CAMSAP3: variants seen among roughly 807,000 people sequenced by gnomAD.
The protein encoded by CAMSAP3 is calmodulin regulated spectrin associated protein family member 3.
A neutral mutation model predicts 112.5 loss-of-function variants in CAMSAP3; 34 were observed. The observed-to-expected ratio is 0.30, with a 90% CI of 0.23 to 0.40. CAMSAP3 has a LOEUF of 0.40. Among genes scored for constraint, CAMSAP3 ranks in the 10% least tolerant of loss-of-function variants. The pLI is 1.00. For synonymous variants in CAMSAP3, 868 were observed against 799.8 expected, an observed-to-expected ratio of 1.09 and a Z score of -1.44; for missense variants, 1,602 against 1,770.3, an observed-to-expected ratio of 0.90 and a Z score of 1.71.
chr19:7,617,814 C>G lies in CAMSAP3; in HGVS notation c.3507C>G (p.Phe1169Leu). The G allele has an allele frequency of 6.2e-7, 1 of 1,613,880 alleles. No homozygotes were observed. The highest frequency in any genetic ancestry group is 8.5e-7 in the Non-Finnish European group (1 of 1,179,988). ...TCTTTCGCGACTCGAGCTGCCAGTT[C>G]CGGGCGCTCTACACGCTGTCGGGGG... ...LILFRDSSCQFRALYTLSGET... is the reference protein window; with the variant it reads ...LILFRDSSCQLRALYTLSGET... The change falls in exon 17 of 17, where the codon TTC becomes TTG. Residue 1169 changes from phenylalanine (F) to leucine (L), a missense_variant. Around this residue, in one of 6 missense-constraint regions of CAMSAP3, gnomAD observed 150 missense variants for 207.6 expected, o/e 0.72. Transcript: ENST00000160298. This position sits in a 1 kb window ranked among gnomAD's most constrained non-coding sequence, Gnocchi z 7.5.
At position 7,607,175 on chromosome 19, in the gene CAMSAP3, G is replaced by A. The variant is rs2146165205; in HGVS notation, c.621+604G>A. On this transcript the variant is annotated intron_variant, in intron 4 of 16. Coordinates refer to ENST00000160298, the MANE Select transcript of CAMSAP3 (RefSeq NM_020902.2). This position sits in a 1 kb window ranked among gnomAD's most constrained non-coding sequence, Gnocchi z 4.9. ...AGACCACATAAATTTCTGAAGGGGG[G>A]ACCTGCAGCCCATCACAAACGTGGA... 6.6e-6 allele frequency among the ~76,000 whole-genome samples: 1 copy of A among 152,222 alleles called. No homozygotes were observed. The highest frequency in any genetic ancestry group is 6.5e-5 in the Admixed American group (1 of 15,288).
At position 7,612,632 on chromosome 19, in the gene CAMSAP3, G is replaced by A; in HGVS notation, c.2139G>A (p.Leu713=). 6.6e-7 allele frequency: 1 copy of A among 1,521,906 alleles called. No homozygotes were observed. The allele number at this position is 1,521,906 out of a possible 1,614,324, so 94.3% of individuals were successfully genotyped here. A position where few individuals can be genotyped will look rare whatever the true frequency, so the allele number is the denominator to read the frequency against. The part of the protein sequence containing the change: ...VSKLSAALSS[L]QRDMQRLTDQ... ...AGCTGAGTGCCGCCTTGAGCTCGCT[G>A]CAGCGGGACATGCAGAGGCTCACGG... Residue 713 remains leucine, a synonymous_variant, in exon 11 of 17, where the codon CTG becomes CTA. Coordinates refer to ENST00000160298, the MANE Select transcript of CAMSAP3 (RefSeq NM_020902.2).
Position 7,616,732 on chromosome 19 carries a change from G to A in CAMSAP3, c.3212+110G>A. On this transcript the variant is annotated intron_variant, in intron 14 of 16. Coordinates refer to ENST00000160298, the MANE Select transcript of CAMSAP3 (RefSeq NM_020902.2). ...GAGGGCGGTATGGCTCGAGTTTATG[G>A]ATACGCCATGAAGAGATGGAGGGAC... The A allele has an allele frequency of 4.0e-6, 3 of 754,128 alleles. No individual in the cohort carries two copies. In the South Asian group the frequency reaches 4.4e-5, roughly 11 times the overall value. The allele number at this position is 754,128 out of a possible 1,614,324, so 46.7% of individuals were successfully genotyped here. A position where few individuals can be genotyped will look rare whatever the true frequency, so the allele number is the denominator to read the frequency against.
Position 7,615,441 on chromosome 19 carries a change from G to T in CAMSAP3, c.2834G>T (p.Gly945Val), listed in dbSNP as rs2030728748. The change falls in exon 13 of 17, where the codon GGC (glycine) becomes GTC (valine). Residue 945 changes from glycine (G) to valine (V), a missense_variant. By Grantham distance (109) the Gly-to-Val change is moderately radical. Around this residue, in one of 6 missense-constraint regions of CAMSAP3, gnomAD observed 1,100 missense variants for 1,135.7 expected, o/e 0.97. Coordinates refer to ENST00000160298, the MANE Select transcript of CAMSAP3 (RefSeq NM_020902.2). The surrounding 1 kb of genome is among the most constrained non-coding windows in gnomAD (Gnocchi z 6.5). ...AARLAQEEAPGPAPLVSAVPM... is the reference protein window; with the variant it reads ...AARLAQEEAPVPAPLVSAVPM... ...AGGCTGGCCCAAGAGGAGGCCCCGGGCCCAGCCCCGCTTGTGTCCGCAGTC... is the reference window on the plus strand; with the variant it reads ...AGGCTGGCCCAAGAGGAGGCCCCGGTCCCAGCCCCGCTTGTGTCCGCAGTC... 6.5e-7 allele frequency: 1 copy of T among 1,540,920 alleles called. No individual in the cohort carries two copies. Among genetic ancestry groups the T allele is most frequent in the African/African-American group, 1.4e-5 (1 of 73,100 alleles).
At chr19:7,598,156 C>A (rs925061750) in intron 1 of CAMSAP3, among the ~76,000 whole-genome samples, 1 of 151,908 alleles carries the variant, frequency 6.6e-6, no homozygotes, top group African/African-American at 2.4e-5. Flanking sequence ...AGCTGGCCAG[C>A]GGGGCCTGGG....
At position 7,613,180 on chromosome 19, in the gene CAMSAP3, G is replaced by A; in HGVS notation, c.2670+17G>A. On this transcript the variant is annotated intron_variant, in intron 11 of 16. Transcript: ENST00000160298. ...TTCTACAAGGTGAGTCCCCGAGCAGGTGGCTGGAGGGTCCTGGGCCTGGGG... is the reference window on the plus strand; with the variant it reads ...TTCTACAAGGTGAGTCCCCGAGCAGATGGCTGGAGGGTCCTGGGCCTGGGG... The A allele has an allele frequency of 1.4e-6, 2 of 1,467,172 alleles. No individual in the cohort carries two copies. The highest frequency in any genetic ancestry group is 1.3e-5 in the South Asian group (1 of 75,212). The allele number at this position is 1,467,172 out of a possible 1,614,324, so 90.9% of individuals were successfully genotyped here.
chr19:7,612,767 C>T lies in CAMSAP3; in HGVS notation c.2274C>T (p.Ser758=), dbSNP rs754226028. The change falls in exon 11 of 17, where the codon AGC becomes AGT. Residue 758 remains serine (S), a synonymous_variant. Coordinates refer to ENST00000160298, the MANE Select transcript of CAMSAP3 (RefSeq NM_020902.2). ...PTTGPKAASP[S]PARRVPATRR... is the part of the protein sequence containing the mutation. Reference sequence around the variant, plus strand: ...CGGGGCCCAAAGCTGCATCCCCCAGCCCCGCCCGGCGAGTCCCGGCCACCC... The same window carrying T: ...CGGGGCCCAAAGCTGCATCCCCCAGTCCCGCCCGGCGAGTCCCGGCCACCC... 3.3e-6 allele frequency: 5 copies of T among 1,531,022 alleles called. No homozygotes were observed. Among genetic ancestry groups the T allele is most frequent in the South Asian group, 1.2e-5 (1 of 83,682 alleles). The allele number at this position is 1,531,022 out of a possible 1,614,324, so 94.8% of individuals were successfully genotyped here. A position where few individuals can be genotyped will look rare whatever the true frequency, so the allele number is the denominator to read the frequency against.
At chr19:7,606,165 G>T in intron 2 of CAMSAP3, 106 bp from the exon 3 acceptor site, 2 of 122,640 alleles carry the variant, frequency 1.6e-5, no homozygotes, top group Admixed American at 7.9e-5. Context: ...CACCCCCCCC[G>T]TCAAGTCCCT....
At position 7,612,125 on chromosome 19, in the gene CAMSAP3, C is replaced by T. The variant is rs751431664; in HGVS notation, c.1632C>T (p.Ser544=). 1.9e-6 allele frequency: 3 copies of T among 1,612,626 alleles called. No individual in the cohort carries two copies. Among genetic ancestry groups the T allele is most frequent in the South Asian group, 1.1e-5 (1 of 91,066 alleles). ...AGGCATCGAAACCGCCAGCCCCATC[C>T]GAGGGGTCCCCGAAGGCGGTGGCTT... The part of the protein sequence containing the change: ...VGEASKPPAP[S]EGSPKAVASS... The change falls in exon 11 of 17, where the codon TCC becomes TCT. Residue 544 remains serine, a synonymous_variant. Coordinates refer to ENST00000160298, the MANE Select transcript of CAMSAP3 (RefSeq NM_020902.2).
chr19:7,603,837 C>G (rs2030077075), intron 1 of CAMSAP3, among the ~76,000 whole-genome samples: 1 of 151,742 alleles, frequency 6.6e-6, no homozygotes, highest in Non-Finnish European at 1.5e-5. Flanking sequence ...CTCAAACAAA[C>G]AGAGAAGGCT....
chr19:7,608,834 G>A (rs1410255640), intron 5 of CAMSAP3, among the ~76,000 whole-genome samples: 5 of 151,584 alleles, frequency 3.3e-5, no homozygotes, highest in Admixed American at 6.6e-5. Flanking sequence ...GGGTTTCACC[G>A]TGTTGGCCAG....
intron 13 of CAMSAP3, 112 bp from the exon 14 acceptor site, chr19:7,616,411 G>C: frequency 1.3e-6 from 1 of 785,690 alleles, no homozygotes; most frequent in Non-Finnish European, 2.2e-6. Context: ...AGAGGGCCGA[G>C]GGGTCTTGGG....
At position 7,611,844 on chromosome 19, in the gene CAMSAP3, C is replaced by A. The variant is rs776610367; in HGVS notation, c.1351C>A (p.Pro451Thr). 8 of 1,573,770 alleles carry A rather than the reference C, an allele frequency of 5.1e-6. No individual in the cohort carries two copies. Among genetic ancestry groups the A allele is most frequent in the African/African-American group, 2.7e-5 (2 of 73,972 alleles). The change falls in exon 11 of 17, where the codon CCG (proline) becomes ACG (threonine). Residue 451 changes from proline to threonine, a missense_variant. This residue lies in a region of CAMSAP3 where 1,100 missense variants were observed against 1,135.7 expected (regional missense o/e 0.97). Transcript: ENST00000160298. The surrounding 1 kb of genome is among the most constrained non-coding windows in gnomAD (Gnocchi z 6.9). ...GGCCAGGACCCCCACCCAGCCACCC[C>A]CGGAGCCTGGTGACCTGCCCACCAT... ...APARTPTQPP[P>T]EPGDLPTIEE...
intron 1 of CAMSAP3, among the ~76,000 whole-genome samples, chr19:7,598,757 A>C (rs561902517): frequency 1.3e-5 from 2 of 151,904 alleles, no homozygotes; most frequent in African/African-American, 4.8e-5. Context: ...ACTGCACTCC[A>C]GCCTGGGTGA....
intron 5 of CAMSAP3, among the ~76,000 whole-genome samples, chr19:7,609,872 C>T (rs956485719): frequency 2.4e-4 from 37 of 152,202 alleles, no homozygotes; most frequent in Admixed American, 9.2e-4. Flanking sequence ...CGAATGCCGC[C>T]GCTGATCTGA....
At position 7,611,469 on chromosome 19, in the gene CAMSAP3, C is replaced by T. The variant is rs368080521; in HGVS notation, c.1124-48C>T. 5.7e-4 allele frequency: 884 copies of T among 1,541,762 alleles called. 1 individual carries two copies. Among genetic ancestry groups the T allele is most frequent in the Non-Finnish European group, 7.3e-4 (836 of 1,140,822 alleles). On this transcript the variant is annotated intron_variant, in intron 9 of 16. Transcript: ENST00000160298. This position sits in a 1 kb window ranked among gnomAD's most constrained non-coding sequence, Gnocchi z 6.9. ...TGTCCCCAGATGCTGGCTGACCCCA[C>T]TCAGGGTTCCCAGGGTCCCCATAGT...
rs1292415811 is a variant in CAMSAP3 at position 7,596,072 on chromosome 19, C to T, written c.70C>T (p.Leu24=). The T allele has an allele frequency of 1.6e-5, 21 of 1,287,552 alleles. No homozygotes were observed. The highest frequency in any genetic ancestry group is 2.1e-5 in the Non-Finnish European group (21 of 990,010). The allele number at this position is 1,287,552 out of a possible 1,614,324, so 79.8% of individuals were successfully genotyped here. A position where few individuals can be genotyped will look rare whatever the true frequency, so the allele number is the denominator to read the frequency against. Residue 24 remains leucine, a synonymous_variant, in exon 1 of 17, where the codon CTG becomes TTG. Coordinates refer to ENST00000160298, the MANE Select transcript of CAMSAP3 (RefSeq NM_020902.2). ...RTFLVPEIKS[L]DQYDFSRAKA... ...CTTTCTAGTGCCCGAGATCAAGTCG[C>T]TGGACCAGTACGATTTCTCGCGGGC...
chr19:7,598,295 T>C (rs1236229815), intron 1 of CAMSAP3, among the ~76,000 whole-genome samples: 1 of 152,068 alleles, frequency 6.6e-6, no homozygotes, highest in Non-Finnish European at 1.5e-5. Flanking sequence ...GCTCGGAGTG[T>C]GGACCAGCAG....
chr19:7,612,327 A>C lies in CAMSAP3; in HGVS notation c.1834A>C (p.Arg612=). The C allele has an allele frequency of 6.2e-7, 1 of 1,604,902 alleles. No homozygotes were observed. Among genetic ancestry groups the C allele is most frequent in the Non-Finnish European group, 8.5e-7 (1 of 1,177,930 alleles). The part of the protein sequence containing the change: ...ELSARLEEKR[R]AIEAQKRRIE... ...CAGCGCCCGGCTGGAGGAGAAACGCAGAGCCATCGAGGCTCAGAAGCGACG... is the reference window on the plus strand; with the variant it reads ...CAGCGCCCGGCTGGAGGAGAAACGCCGAGCCATCGAGGCTCAGAAGCGACG... Residue 612 remains arginine, a synonymous_variant, in exon 11 of 17, where the codon AGA becomes CGA. Transcript: ENST00000160298.
Sources: allele counts gnomAD v4.1 joint callset (sites outside exome capture counted in the v4.1 genomes callset), GRCh38; gene constraint gnomAD v4.1.1; regional missense constraint gnomAD v4.1.1; non-coding constraint Gnocchi (gnomAD v3.1); transcripts MANE v1.5; gene names NCBI Gene and HGNC (gene_info 2026-07-23, HGNC 2026-07-21).